Variants in RREB1 observed in about 807,000 individuals in gnomAD.
The protein encoded by RREB1 is ras-responsive element-binding protein 1.
Under a neutral mutation model 117.8 loss-of-function variants are expected in RREB1, and 27 were observed. The observed-to-expected ratio is 0.23, with a 90% confidence interval of 0.17 to 0.32. The LOEUF is 0.32. RREB1 is among the 10% of genes least tolerant of loss of function. The pLI is 1.00. For synonymous variants in RREB1, 1,298 were observed against 1,026.7 expected (o/e 1.26, Z -5.05); for missense variants, 2,577 against 2,378.2 (o/e 1.08, Z -1.74).
At chr6:7,217,852 G>A (rs1472091283) in intron 8 of RREB1, 8 of 152,168 alleles carry the variant, frequency 5.3e-5, no homozygotes, top group Non-Finnish European at 1.2e-4. Flanking sequence ...CCATTCCAAT[G>A]GAATTGAAAA....
At chr6:7,219,037 G>A (rs1233510104) in intron 8 of RREB1, 1 of 141,456 alleles carries the variant, frequency 7.1e-6, no homozygotes, top group Non-Finnish European at 1.5e-5. Context: ...CGCTTGAGGT[G>A]AGGAGTTGGA....
intron 3 of RREB1, chr6:7,181,552 G>C: frequency 1.9e-6 from 1 of 533,620 alleles, no homozygotes; most frequent in Non-Finnish European, 3.3e-6. Context: ...TCTGGGCTTT[G>C]TCATTGTTGG....
chr6:7,245,052 A>G (rs772293680), intron 11 of RREB1, among the ~76,000 whole-genome samples: 2 of 152,214 alleles, frequency 1.3e-5, no homozygotes, highest in Non-Finnish European at 2.9e-5. Context: ...CCATAAAACA[A>G]TGACTTTCAT....
chr6:7,163,163 C>A (rs1275129386), intron 1 of RREB1, among the ~76,000 whole-genome samples: 3 of 152,156 alleles, frequency 2.0e-5, no homozygotes, highest in African/African-American at 4.8e-5. Context: ...AGTTTAACTA[C>A]AAGGAATAAA....
chr6:7,246,594 C>A lies in RREB1; in HGVS notation c.4144C>A (p.His1382Asn). Reference protein sequence around the residue: ...ETASPVHREEHGRGESHEPEE... With the variant: ...ETASPVHREENGRGESHEPEE... ...GGCCTCGCCGGTGCACCGGGAAGAG[C>A]ACGGGCGTGGGGAGAGCCATGAGCC... is the stretch of plus-strand genomic sequence containing the variant. Residue 1382 changes from histidine to asparagine, a missense_variant, in exon 12 of 13, where the codon CAC (histidine) becomes AAC (asparagine). By Grantham distance (68) the His-to-Asn change is moderately conservative. Transcript: ENST00000379938. 6.4e-7 allele frequency: 1 copy of A among 1,555,994 alleles called. No individual in the cohort carries two copies. Among genetic ancestry groups the A allele is most frequent in the African/African-American group, 1.4e-5 (1 of 73,618 alleles).
intron 10 of RREB1, among the ~76,000 whole-genome samples, chr6:7,235,668 A>G (rs1043069842): frequency 2.0e-5 from 3 of 152,186 alleles, no homozygotes; most frequent in African/African-American, 7.2e-5. Context: ...ATTGAGCAGC[A>G]TCTGGTTTTG....
chr6:7,227,934 G>A (rs1767682756), intron 9 of RREB1, among the ~76,000 whole-genome samples: 1 of 152,132 alleles, frequency 6.6e-6, no homozygotes, highest in Non-Finnish European at 1.5e-5. Context: ...GGGCATAGTG[G>A]CACATGCCTA....
At chr6:7,160,908 T>A (rs1373766669) in intron 1 of RREB1, among the ~76,000 whole-genome samples, 3 of 152,048 alleles carry the variant, frequency 2.0e-5, no homozygotes, top group Non-Finnish European at 4.4e-5. Flanking sequence ...ATGGTCTCCA[T>A]CTCCTGACCT....
At chr6:7,176,382 C>T (rs1376046437) in intron 1 of RREB1, among the ~76,000 whole-genome samples, 1 of 152,176 alleles carries the variant, frequency 6.6e-6, no homozygotes, top group African/African-American at 2.4e-5. Flanking sequence ...CCGAGCCATT[C>T]TCACATGGTG....
In RREB1 at chr6:7,226,552, G is replaced by A. The variant is rs1284999582; in HGVS notation, c.793G>A (p.Ala265Thr). Reference sequence around the variant, plus strand: ...TGTCCACAAACAACTTCCCAGGGATGCAATGGGCAGACCTTTCATACAGAA... The same window carrying A: ...TGTCCACAAACAACTTCCCAGGGATACAATGGGCAGACCTTTCATACAGAA... ...ALVHKQLPRD[A>T]MGRPFIQNNP... is the part of the protein sequence containing the mutation. The change falls in exon 9 of 13, where the codon GCA becomes ACA. Residue 265 changes from alanine (A) to threonine (T), a missense_variant. Transcript: ENST00000379938. 2 of 1,614,008 alleles carry A rather than the reference G, an allele frequency of 1.2e-6. No homozygotes were observed. The highest frequency in any genetic ancestry group is 2.2e-5 in the South Asian group (2 of 91,090).
chr6:7,163,239 C>T (rs1051155123), intron 1 of RREB1, among the ~76,000 whole-genome samples: 1 of 151,990 alleles, frequency 6.6e-6, no homozygotes, highest in African/African-American at 2.4e-5. Context: ...TCTGTTGAGC[C>T]TTTTTTTTAC....
chr6:7,243,975 T>C (rs983762215), intron 11 of RREB1, among the ~76,000 whole-genome samples: 1 of 152,060 alleles, frequency 6.6e-6, no homozygotes, highest in Non-Finnish European at 1.5e-5. Context: ...CTTTTAAAAA[T>C]TACCAGTCGG....
chr6:7,201,084 A>G (rs1309106527), intron 6 of RREB1, among the ~76,000 whole-genome samples: 2 of 152,190 alleles, frequency 1.3e-5, no homozygotes, highest in Non-Finnish European at 1.5e-5. Context: ...AGGGAAGGTT[A>G]GGGATGGGCT....
chr6:7,167,998 C>T (rs562557563), intron 1 of RREB1, among the ~76,000 whole-genome samples: 10 of 151,978 alleles, frequency 6.6e-5, no homozygotes, highest in Admixed American at 2.0e-4. Flanking sequence ...CGGTGGTTCA[C>T]GCCTGTAATC....
At chr6:7,245,320 G>T (rs568482711) in intron 11 of RREB1, among the ~76,000 whole-genome samples, 7 of 152,138 alleles carry the variant, frequency 4.6e-5, no homozygotes, top group African/African-American at 1.7e-4. Context: ...GCTTGAACCC[G>T]GGAGGTGGAG....
chr6:7,110,614 C>G (rs1481489747), intron 1 of RREB1, among the ~76,000 whole-genome samples: 8 of 152,028 alleles, frequency 5.3e-5, no homozygotes, highest in Non-Finnish European at 7.4e-5. Flanking sequence ...TGGCTTTAAT[C>G]AAGTTTTAAA....
At chr6:7,213,858 C>G (rs998479534) in intron 8 of RREB1, 2 of 152,232 alleles carry the variant, frequency 1.3e-5, no homozygotes, top group African/African-American at 4.8e-5. Context: ...TCAGATACCA[C>G]CTTAGAAACT....
In RREB1 at chr6:7,230,005, C is replaced by A; in HGVS notation, c.1906C>A (p.Pro636Thr). Residue 636 changes from proline (P) to threonine (T), a missense_variant, in exon 10 of 13, where the codon CCC (proline) becomes ACC (threonine). By Grantham distance (38) the Pro-to-Thr change is conservative (BLOSUM62 -1). Coordinates refer to ENST00000379938, the MANE Select transcript of RREB1 (RefSeq NM_001003699.4). ...GACAGCGCCCGGCGGCAAGAAGACG[C>A]CCGCCATGCGCAAGGTGCTCTACCC... is the stretch of plus-strand genomic sequence containing the variant. ...FMTAPGGKKTPAMRKVLYPCR... is the reference protein window; with the variant it reads ...FMTAPGGKKTTAMRKVLYPCR... The A allele has an allele frequency of 3.1e-6, 5 of 1,608,680 alleles. No individual in the cohort carries two copies. Among genetic ancestry groups the A allele is most frequent in the Non-Finnish European group, 4.3e-6 (5 of 1,176,300 alleles).
rs530598090 is a variant in RREB1 at position 7,250,494 on chromosome 6, C to G, written c.*1526C>G. ...CCGCCTGCAGGGAGGAGAATGTACC[C>G]CACTGCACCTGAGCTCCTGGTCCCT... is the stretch of plus-strand genomic sequence containing the variant. On this transcript the variant is annotated 3_prime_UTR_variant, in exon 13 of 13. Coordinates refer to ENST00000379938, the MANE Select transcript of RREB1 (RefSeq NM_001003699.4). 240 of 152,036 alleles carry G rather than the reference C, an allele frequency of 1.6e-3. 1 individual carries two copies. Among genetic ancestry groups the G allele is most frequent in the African/African-American group, 5.5e-3 (229 of 41,478 alleles). The allele number at this position is 152,036 out of a possible 1,614,324, so 9.4% of individuals were successfully genotyped here. A position where few individuals can be genotyped will look rare whatever the true frequency, so the allele number is the denominator to read the frequency against.
Sources: gnomAD v4.1 joint callset for allele counts (sites outside exome capture counted in the v4.1 genomes callset) on GRCh38, gnomAD v4.1.1 for gene constraint, MANE v1.5 for transcripts, NCBI Gene and HGNC (gene_info 2026-07-23, HGNC 2026-07-21) for gene names.